Variants in F11R observed in about 807,000 individuals in gnomAD.
F11R encodes F11 receptor, also known as junctional adhesion molecule A.
In F11R, 27 loss-of-function variants were observed where a neutral mutation model predicts 39.3. The ratio of observed to expected loss-of-function variants is 0.69; its 90% confidence interval spans 0.51 to 0.95. The LOEUF (loss-of-function observed/expected upper bound fraction) is 0.95. Ranked by LOEUF, F11R falls within the 40% of genes least tolerant of loss-of-function variation. The probability of loss-of-function intolerance (pLI) is 0.00; values close to 1 mark genes in which losing one functional copy is unlikely to be tolerated. For missense variants in F11R, 335 were observed against 372.7 expected (o/e 0.90, Z 0.83); for synonymous variants, 131 against 144.9 (o/e 0.90, Z 0.69).
chr1:161,016,999 G>A (rs1443998895), intron 1 of F11R, among the ~76,000 whole-genome samples: 1 of 152,196 alleles, frequency 6.6e-6, no homozygotes. Flanking sequence ...CATGTGCTGT[G>A]TCAAACTCAG....
At chr1:161,002,836 GAT>G (rs1648566982) in intron 1 of F11R, among the ~76,000 whole-genome samples, 2 of 151,656 alleles carry the variant, frequency 1.3e-5, no homozygotes, top group African/African-American at 4.8e-5. Flanking sequence ...ATTTCAATCT[GAT>G]ATAATAACAC....
chr1:161,005,418 C>CCCTT (rs10644902), intron 1 of F11R, among the ~76,000 whole-genome samples: 124,331 of 150,926 alleles, frequency 0.82, 51,530 homozygotes, highest in African/African-American at 0.91. Flanking sequence ...GCTCAAGTGA[C>CCCTT]CCACCTCAGC....
intron 1 of F11R, among the ~76,000 whole-genome samples, chr1:161,002,126 T>C (rs555472093): frequency 4.6e-5 from 7 of 152,094 alleles, no homozygotes; most frequent in Non-Finnish European, 7.4e-5. Context: ...TAGCCAGGCA[T>C]GGTGGCACAC....
chr1:161,004,122 T>C (rs1329793464), intron 1 of F11R, among the ~76,000 whole-genome samples: 1 of 152,136 alleles, frequency 6.6e-6, no homozygotes, highest in African/African-American at 2.4e-5. Context: ...GAATTTCTTT[T>C]TTTTAAAGAG....
intron 4 of F11R, 46 bp from the exon 5 acceptor site, chr1:161,000,394 G>T: frequency 6.3e-7 from 1 of 1,584,856 alleles, no homozygotes; most frequent in Non-Finnish European, 8.6e-7. Flanking sequence ...GGTGGGGGCT[G>T]CTTGAGTCTA....
At chr1:161,010,819 G>C (rs867467076) in intron 1 of F11R, among the ~76,000 whole-genome samples, 14 of 151,204 alleles carry the variant, frequency 9.3e-5, no homozygotes, top group Middle Eastern at 6.8e-3. Context: ...AACCCCATCT[G>C]TACCAAAAAT....
intron 1 of F11R, among the ~76,000 whole-genome samples, chr1:161,013,791 CCCT>C (rs1649298167): frequency 6.6e-6 from 1 of 152,066 alleles, no homozygotes; most frequent in Non-Finnish European, 1.5e-5. Context: ...CTCCCTGGCT[CCCT>C]CCCGCCCTCT....
At chr1:161,007,477 A>G (rs1385596024) in intron 1 of F11R, among the ~76,000 whole-genome samples, 5 of 152,140 alleles carry the variant, frequency 3.3e-5, no homozygotes, top group Admixed American at 6.5e-5. Context: ...GAAAAGAAAA[A>G]AAAAAAAAAA....
Position 160,999,915 on chromosome 1 carries a change from C to T in F11R, c.655G>A (p.Gly219Arg), listed in dbSNP as rs780826713. The T allele has an allele frequency of 6.2e-7, 1 of 1,614,098 alleles. No individual in the cohort carries two copies. Among genetic ancestry groups the T allele is most frequent in the African/African-American group, 1.3e-5 (1 of 74,934 alleles). ...ACAGCATTTGAAGTCATGGGTGTCC[C>T]ATACCCATTCCGTGCCTCACAGCTG... Reference protein sequence around the residue: ...EYSCEARNGYGTPMTSNAVRM... With the variant: ...EYSCEARNGYRTPMTSNAVRM... Residue 219 changes from glycine to arginine, a missense_variant, in exon 6 of 10, where the codon GGG becomes AGG. By Grantham distance (125) the Gly-to-Arg change is moderately radical (BLOSUM62 -2). Transcript: ENST00000368026.
At chr1:161,003,825 C>T (rs917175788) in intron 1 of F11R, among the ~76,000 whole-genome samples, 1 of 151,866 alleles carries the variant, frequency 6.6e-6, no homozygotes, top group Non-Finnish European at 1.5e-5. Flanking sequence ...AGTGCAGTGG[C>T]GCAATCTAGA....
chr1:161,019,975 C>T (rs1407184071), intron 1 of F11R, among the ~76,000 whole-genome samples: 2 of 152,086 alleles, frequency 1.3e-5, no homozygotes, highest in Non-Finnish European at 2.9e-5. Flanking sequence ...TGATTGTAAT[C>T]ATTCATTTAA....
chr1:161,011,512 G>T (rs572914868), intron 1 of F11R, among the ~76,000 whole-genome samples: 1 of 152,192 alleles, frequency 6.6e-6, no homozygotes, highest in African/African-American at 2.4e-5. Context: ...GGCCGAGACA[G>T]GTGGTCAGGA....
intron 1 of F11R, among the ~76,000 whole-genome samples, chr1:161,007,987 C>A (rs578148532): frequency 7.9e-5 from 12 of 152,150 alleles, no homozygotes; most frequent in African/African-American, 2.9e-4. Flanking sequence ...CTCTTCACAG[C>A]CCCCCTTTTG....
intron 1 of F11R, among the ~76,000 whole-genome samples, chr1:161,005,998 C>T (rs544509155): frequency 6.6e-6 from 1 of 152,130 alleles, no homozygotes; most frequent in East Asian, 1.9e-4. Flanking sequence ...ATTAGCCGGG[C>T]ATGGTGGCGG....
intron 1 of F11R, among the ~76,000 whole-genome samples, chr1:161,013,620 A>C (rs1341718866): frequency 6.6e-6 from 1 of 152,206 alleles, no homozygotes; most frequent in Non-Finnish European, 1.5e-5. Flanking sequence ...AACAGTTTAG[A>C]AATGTGTGAG....
At chr1:161,014,757 T>A (rs930357334) in intron 1 of F11R, among the ~76,000 whole-genome samples, 1 of 151,712 alleles carries the variant, frequency 6.6e-6, no homozygotes, top group East Asian at 2.0e-4. Context: ...TTGGCCAACA[T>A]GGTGAAACCC....
chr1:161,003,270 T>C (rs540670295), intron 1 of F11R, among the ~76,000 whole-genome samples: 19 of 151,056 alleles, frequency 1.3e-4, no homozygotes, highest in Non-Finnish European at 2.7e-4. Flanking sequence ...ATTACAGGCA[T>C]GTGCCACCAT....
intron 1 of F11R, among the ~76,000 whole-genome samples, chr1:161,011,983 G>T (rs1649185086): frequency 6.6e-6 from 1 of 152,020 alleles, no homozygotes; most frequent in Non-Finnish European, 1.5e-5. Flanking sequence ...AAAACATTTT[G>T]TACTTTGTTG....
intron 1 of F11R, among the ~76,000 whole-genome samples, chr1:161,003,688 T>C (rs1158693732): frequency 6.6e-6 from 1 of 151,824 alleles, no homozygotes; most frequent in Non-Finnish European, 1.5e-5. Context: ...GAGATTCTCC[T>C]GCCCCAGCCT....
Sources: gnomAD v4.1 joint callset for allele counts (sites outside exome capture counted in the v4.1 genomes callset) on GRCh38, gnomAD v4.1.1 for gene constraint, MANE v1.5 for transcripts, NCBI Gene and HGNC (gene_info 2026-07-23, HGNC 2026-07-21) for gene names.